Variants in SHISA9 observed in about 807,000 individuals in gnomAD.
SHISA9 encodes the protein protein shisa-9.
In SHISA9, 13 loss-of-function variants were observed where a neutral mutation model predicts 38.0. The observed-to-expected ratio is 0.34, with a 90% CI of 0.22 to 0.54. The LOEUF is 0.54. SHISA9 is among the 20% of genes least tolerant of loss of function. SHISA9 has a pLI of 0.91. For synonymous variants in SHISA9, 275 were observed against 242.0 expected (o/e 1.14, Z -1.27); for missense variants, 538 against 575.8 (o/e 0.93, Z 0.67).
intron 1 of SHISA9, chr16:12,911,298 C>T (rs2071180116): frequency 9.1e-6 from 9 of 985,322 alleles, no homozygotes; most frequent in Middle Eastern, 5.2e-4. Flanking sequence ...CGCAAACAAA[C>T]GCCAAATTCT....
chr16:13,057,291 A>G (rs911873271), intron 2 of SHISA9, among the ~76,000 whole-genome samples: 3 of 152,214 alleles, frequency 2.0e-5, no homozygotes, highest in Non-Finnish European at 4.4e-5. Context: ...ACTCTCATTT[A>G]TGGAAGGCAG....
chr16:13,529,946 CAA>C, the SHISA9 span, among the ~76,000 whole-genome samples: 2 of 152,230 alleles, frequency 1.3e-5, no homozygotes, highest in African/African-American at 4.8e-5. Flanking sequence ...GCCAATGAGA[CAA>C]GAGCAGAAGC....
At position 13,236,737 on chromosome 16, in the gene SHISA9, A is replaced by T. The variant is rs2051388628; in HGVS notation, c.*1328A>T. On this transcript the variant is annotated 3_prime_UTR_variant, in exon 5 of 5. Transcript: ENST00000558583. ...GGCTGCTACAATGTCAGGGGTACCC[A>T]AGAACGAAGACCTCCCTACTCTCTA... 2 of 152,174 alleles carry T rather than the reference A, an allele frequency of 1.3e-5. No individual in the cohort carries two copies. Among genetic ancestry groups the T allele is most frequent in the Non-Finnish European group, 2.9e-5 (2 of 68,042 alleles). 9.4% of individuals were successfully genotyped at this position (152,174 alleles called of 1,614,324 possible).
chr16:13,473,349 CT>C, the SHISA9 span, among the ~76,000 whole-genome samples: 1,824 of 73,962 alleles, frequency 0.025, 17 homozygotes, highest in African/African-American at 0.084. Context: ...TTCTTTCTTT[CT>C]TTTTTTTTTT....
the SHISA9 span, among the ~76,000 whole-genome samples, chr16:13,545,467 T>C: frequency 6.6e-6 from 1 of 151,880 alleles, no homozygotes; most frequent in South Asian, 2.1e-4. Flanking sequence ...TACAAGGGAG[T>C]CTATGGATTT....
At chr16:13,126,206 G>A (rs769244744) in intron 2 of SHISA9, among the ~76,000 whole-genome samples, 31 of 152,160 alleles carry the variant, frequency 2.0e-4, no homozygotes, top group Non-Finnish European at 3.4e-4. Flanking sequence ...TGCAGAGGCT[G>A]CCTGAGAGGA....
chr16:13,340,407 G>A, the SHISA9 span, among the ~76,000 whole-genome samples: 1 of 152,164 alleles, frequency 6.6e-6, no homozygotes, highest in African/African-American at 2.4e-5. Flanking sequence ...ATTAGTTGGG[G>A]TATACTGGAG....
the SHISA9 span, among the ~76,000 whole-genome samples, chr16:13,310,166 G>A: frequency 1.2e-3 from 176 of 152,302 alleles, no homozygotes; most frequent in African/African-American, 4.2e-3. Flanking sequence ...GGGATTACAG[G>A]CGTGAGCCAC....
At chr16:13,552,658 G>A in the SHISA9 span, among the ~76,000 whole-genome samples, 3 of 152,182 alleles carry the variant, frequency 2.0e-5, no homozygotes, top group African/African-American at 7.2e-5. Context: ...AGCCAGGTTG[G>A]CTTTGAAAAG....
the SHISA9 span, among the ~76,000 whole-genome samples, chr16:13,502,083 T>C: frequency 6.6e-6 from 1 of 151,994 alleles, no homozygotes; most frequent in Non-Finnish European, 1.5e-5. Flanking sequence ...GATATATAGA[T>C]AAATGAATGG....
At chr16:13,112,112 A>AT (rs967877365) in intron 2 of SHISA9, among the ~76,000 whole-genome samples, 45 of 151,628 alleles carry the variant, frequency 3.0e-4, no homozygotes, top group Non-Finnish European at 4.1e-4. Context: ...AAGGGTAAGG[A>AT]TTTTTTTTTG....
chr16:13,121,022 G>A (rs1479290851), intron 2 of SHISA9, among the ~76,000 whole-genome samples: 1 of 151,982 alleles, frequency 6.6e-6, no homozygotes, highest in Non-Finnish European at 1.5e-5. Context: ...GCAGGGCTGG[G>A]CAGTAGTGTC....
chr16:12,967,265 TA>T (rs1222982972), intron 2 of SHISA9, among the ~76,000 whole-genome samples: 1 of 152,106 alleles, frequency 6.6e-6, no homozygotes, highest in East Asian at 1.9e-4. Flanking sequence ...TGTAGGGACA[TA>T]GATGAAGCTG....
At chr16:13,367,768 A>G in the SHISA9 span, among the ~76,000 whole-genome samples, 1 of 150,608 alleles carries the variant, frequency 6.6e-6, no homozygotes, top group Non-Finnish European at 1.5e-5. Context: ...TTGGTCTGAG[A>G]ACATGGATGT....
chr16:13,016,146 T>C (rs2072754942), intron 2 of SHISA9, among the ~76,000 whole-genome samples: 1 of 150,836 alleles, frequency 6.6e-6, no homozygotes, highest in Admixed American at 6.6e-5. Flanking sequence ...TGTCTGCTAA[T>C]TTTTTGTATT....
chr16:13,120,692 C>T (rs888507859), intron 2 of SHISA9, among the ~76,000 whole-genome samples: 6 of 152,104 alleles, frequency 3.9e-5, no homozygotes, highest in African/African-American at 1.4e-4. Flanking sequence ...ACCCAGGATG[C>T]CCCGAGCTGT....
At chr16:13,389,302 T>C in the SHISA9 span, among the ~76,000 whole-genome samples, 1 of 152,224 alleles carries the variant, frequency 6.6e-6, no homozygotes, top group African/African-American at 2.4e-5. Flanking sequence ...AGAATTGTCA[T>C]TGAGTTGGGA....
chr16:13,247,137 G>C, the SHISA9 span, among the ~76,000 whole-genome samples: 2 of 152,126 alleles, frequency 1.3e-5, no homozygotes, highest in East Asian at 1.9e-4. Flanking sequence ...GCAGGAGACA[G>C]AGAGTGAGCA....
chr16:13,228,572 A>G (rs1336959537), intron 4 of SHISA9, among the ~76,000 whole-genome samples: 1 of 152,214 alleles, frequency 6.6e-6, no homozygotes, highest in African/African-American at 2.4e-5. Flanking sequence ...ATGCTGGATC[A>G]TTATAAGACA....
Sources: gnomAD v4.1 joint callset for allele counts (sites outside exome capture counted in the v4.1 genomes callset) on GRCh38, gnomAD v4.1.1 for gene constraint, MANE v1.5 for transcripts, NCBI Gene and HGNC (gene_info 2026-07-23, HGNC 2026-07-21) for gene names.